The following SPTSSA variants were observed in gnomAD, a reference collection of about 807,000 sequenced individuals.
SPTSSA encodes small subunit of serine palmitoyltransferase A.
SPTSSA carries 8 observed loss-of-function variants against 9.1 expected under a neutral mutation model. The observed-to-expected ratio is 0.88, with a 90% confidence interval of 0.51 to 1.58. The LOEUF (loss-of-function observed/expected upper bound fraction) is 1.58, where lower values mean the gene tolerates loss of function less well. Ranked by LOEUF, SPTSSA falls within the 40% of genes most tolerant of loss-of-function variation. SPTSSA has a pLI of 0.00. For missense variants in SPTSSA, 100 were observed against 93.8 expected (o/e 1.07, Z -0.27); for synonymous variants, 42 against 37.7 (o/e 1.11, Z -0.41).
chr14:34,460,463 A>C (rs148155570), intron 1 of SPTSSA, among the ~76,000 whole-genome samples: 14 of 152,114 alleles, frequency 9.2e-5, no homozygotes, highest in African/African-American at 3.1e-4. Flanking sequence ...TCCATCCCCC[A>C]AAAAAGGCAT....
In SPTSSA at chr14:34,462,183, C is replaced by A. The variant is rs1282440086; in HGVS notation, c.25G>T (p.Ala9Ser). MAGMALARAWKQMSWFYYQ... is the reference protein window; with the variant it reads MAGMALARSWKQMSWFYYQ... ...TAGAACCAGGACATCTGCTTCCAGG[C>A]CCGCGCCAGCGCCATCCCCGCCATG... Residue 9 changes from alanine (A) to serine (S), a missense_variant, in exon 1 of 2, where the codon GCC (alanine) becomes TCC (serine). Physicochemically the swap from Ala to Ser is moderately conservative, Grantham distance 99 (BLOSUM62 1). Coordinates refer to ENST00000298130, the MANE Select transcript of SPTSSA (RefSeq NM_138288.4). 1 of 1,534,396 alleles carries A rather than the reference C, an allele frequency of 6.5e-7. No homozygotes were observed. Among genetic ancestry groups the A allele is most frequent in the Admixed American group, 1.9e-5 (1 of 53,468 alleles).
intron 1 of SPTSSA, among the ~76,000 whole-genome samples, chr14:34,447,129 C>T (rs1325230072): frequency 6.7e-6 from 1 of 148,196 alleles, no homozygotes; most frequent in Admixed American, 7.0e-5. Flanking sequence ...GAGGCTGAGG[C>T]AGGAGAATCG....
chr14:34,442,642 C>T (rs978678104), intron 1 of SPTSSA, among the ~76,000 whole-genome samples: 1 of 152,200 alleles, frequency 6.6e-6, no homozygotes, highest in African/African-American at 2.4e-5. Context: ...CTGGAGTTTA[C>T]TGTTGAATGG....
chr14:34,442,852 T>C (rs955963101), intron 1 of SPTSSA, among the ~76,000 whole-genome samples: 1 of 152,122 alleles, frequency 6.6e-6, no homozygotes, highest in Non-Finnish European at 1.5e-5. Flanking sequence ...CCTTGGATTA[T>C]CTCTTGGGGC....
intron 1 of SPTSSA, among the ~76,000 whole-genome samples, chr14:34,443,607 C>T (rs1033752504): frequency 2.1e-4 from 31 of 147,434 alleles, no homozygotes; most frequent in Admixed American, 1.4e-4. Flanking sequence ...ACAGTCTTAG[C>T]TCACTGCAAC....
chr14:34,459,050 T>C (rs1363509469), intron 1 of SPTSSA, among the ~76,000 whole-genome samples: 1 of 151,786 alleles, frequency 6.6e-6, no homozygotes, highest in Non-Finnish European at 1.5e-5. Context: ...ATTTCAGGCG[T>C]CCACCACCAC....
At chr14:34,448,699 C>T (rs1226245606) in intron 1 of SPTSSA, among the ~76,000 whole-genome samples, 2 of 152,160 alleles carry the variant, frequency 1.3e-5, no homozygotes, top group Non-Finnish European at 2.9e-5. Context: ...TCAATAAAAC[C>T]CTTCATTCCT....
chr14:34,436,707 A>G (rs1883246578), intron 1 of SPTSSA, among the ~76,000 whole-genome samples: 1 of 152,188 alleles, frequency 6.6e-6, no homozygotes. Context: ...TATGTTCATC[A>G]CTAATCAGAA....
At chr14:34,440,170 T>A (rs1883295480) in intron 1 of SPTSSA, among the ~76,000 whole-genome samples, 1 of 152,178 alleles carries the variant, frequency 6.6e-6, no homozygotes, top group African/African-American at 2.4e-5. Context: ...CTCCAGCATC[T>A]AACAAAAAAA....
intron 1 of SPTSSA, among the ~76,000 whole-genome samples, chr14:34,453,566 G>C (rs985231557): frequency 3.9e-5 from 6 of 152,156 alleles, no homozygotes; most frequent in Non-Finnish European, 7.3e-5. Flanking sequence ...TGCCTGTCTG[G>C]GACATCCAAG....
intron 1 of SPTSSA, among the ~76,000 whole-genome samples, chr14:34,442,988 T>C (rs1566422747): frequency 8.7e-6 from 1 of 115,332 alleles, no homozygotes; most frequent in South Asian, 2.7e-4. Context: ...GTGTGTGAGA[T>C]GGAGTTTCCC....
chr14:34,453,785 A>G (rs1437554275), intron 1 of SPTSSA, among the ~76,000 whole-genome samples: 1 of 152,102 alleles, frequency 6.6e-6, no homozygotes, highest in Admixed American at 6.5e-5. Context: ...CTATTTTTTC[A>G]ACATTCCAAT....
At chr14:34,461,574 C>G (rs1304943209) in intron 1 of SPTSSA, among the ~76,000 whole-genome samples, 2 of 152,208 alleles carry the variant, frequency 1.3e-5, no homozygotes, top group Non-Finnish European at 2.9e-5. Context: ...ACTTAAACTG[C>G]TTTCAAAAAC....
intron 1 of SPTSSA, among the ~76,000 whole-genome samples, chr14:34,447,459 T>C (rs544131303): frequency 2.6e-5 from 4 of 152,278 alleles, no homozygotes; most frequent in South Asian, 4.1e-4. Flanking sequence ...GAATGTCATA[T>C]GATTGCTCTT....
intron 1 of SPTSSA, 75 bp downstream of exon 1, chr14:34,462,021 C>CG: frequency 1.8e-6 from 2 of 1,098,134 alleles, no homozygotes. Flanking sequence ...ACCCCAGGCC[C>CG]GGGGCCTGGG....
intron 1 of SPTSSA, among the ~76,000 whole-genome samples, chr14:34,447,086 TGGTGGCAG>T (rs952927873): frequency 5.9e-5 from 9 of 151,722 alleles, no homozygotes; most frequent in African/African-American, 2.2e-4. Flanking sequence ...TAGCCGGCCG[TGGTGGCAG>T]GCACCTGTAA....
intron 1 of SPTSSA, among the ~76,000 whole-genome samples, chr14:34,440,407 A>G (rs902296524): frequency 2.0e-5 from 3 of 152,248 alleles, no homozygotes; most frequent in Non-Finnish European, 4.4e-5. Context: ...ATGGTATAGT[A>G]ATAATCTTAA....
intron 1 of SPTSSA, among the ~76,000 whole-genome samples, chr14:34,436,396 TAGGATGCTAAG>T (rs1313693056): frequency 2.0e-5 from 3 of 152,200 alleles, no homozygotes; most frequent in Admixed American, 6.5e-5. Flanking sequence ...CACAGTTACA[TAGGATGCTAAG>T]AGGAATAACT....
chr14:34,438,370 G>A (rs577894499), intron 1 of SPTSSA, among the ~76,000 whole-genome samples: 11 of 152,040 alleles, frequency 7.2e-5, no homozygotes, highest in African/African-American at 2.4e-4. Context: ...ATGCTCCAAC[G>A]GGCATTTCCT....
Sources: gnomAD v4.1 joint callset for allele counts (sites outside exome capture counted in the v4.1 genomes callset) on GRCh38, gnomAD v4.1.1 for gene constraint, MANE v1.5 for transcripts, NCBI Gene and HGNC (gene_info 2026-07-23, HGNC 2026-07-21) for gene names.